The following CABIN1 variants were observed in gnomAD, a reference collection of about 807,000 sequenced individuals.
CABIN1 encodes calcineurin binding protein 1.
In CABIN1, 133 loss-of-function variants were observed where a neutral mutation model predicts 227.7. The observed-to-expected ratio is 0.58, with a 90% confidence interval of 0.51 to 0.67. The LOEUF (loss-of-function observed/expected upper bound fraction) is 0.67, where lower values mean the gene tolerates loss of function less well. Ranked by LOEUF, CABIN1 falls within the 30% of genes least tolerant of loss-of-function variation. CABIN1 has a pLI of 0.00. For missense variants in CABIN1, 2,408 were observed against 2,852.5 expected (o/e 0.84, Z 3.55); for synonymous variants, 1,086 against 1,155.1 (o/e 0.94, Z 1.21).
At chr22:24,168,240 A>T (rs916201743) in intron 32 of CABIN1, among the ~76,000 whole-genome samples, 8 of 152,216 alleles carry the variant, frequency 5.3e-5, no homozygotes, top group Non-Finnish European at 8.8e-5. Context: ...TGCCCCTGCT[A>T]CCCACGAAGA....
At chr22:24,120,205 T>C (rs1031748325) in intron 28 of CABIN1, among the ~76,000 whole-genome samples, 11 of 152,196 alleles carry the variant, frequency 7.2e-5, no homozygotes, top group African/African-American at 2.7e-4. Flanking sequence ...TGGGCTCTTG[T>C]CGCTGGTGCA....
rs903064383 is a variant in CABIN1 at position 24,025,970 on chromosome 22, A to G, written c.-74-9474A>G. Among the ~76,000 whole-genome samples the G allele has an allele frequency of 3.9e-5, 6 of 152,156 alleles. 1 individual carries two copies. The highest frequency in any genetic ancestry group is 2.6e-4 in the Admixed American group (4 of 15,270). On this transcript the variant is annotated intron_variant, in intron 1 of 36. Coordinates refer to ENST00000263119, the MANE Select transcript of CABIN1 (RefSeq NM_012295.4). ...CAACCTCAGCCCCCTAGTAGCTGGAACAACAGGCATGTGCCTCCACGCCCA... is the reference window on the plus strand; with the variant it reads ...CAACCTCAGCCCCCTAGTAGCTGGAGCAACAGGCATGTGCCTCCACGCCCA...
intron 9 of CABIN1, among the ~76,000 whole-genome samples, chr22:24,055,594 A>G (rs1257254439): frequency 1.3e-5 from 2 of 152,120 alleles, no homozygotes; most frequent in African/African-American, 2.4e-5. Context: ...ACCAACCACC[A>G]TATGTTTTAT....
At chr22:24,159,028 G>T (rs577496352) in intron 29 of CABIN1, among the ~76,000 whole-genome samples, 2 of 152,148 alleles carry the variant, frequency 1.3e-5, no homozygotes, top group Non-Finnish European at 2.9e-5. Flanking sequence ...CAGGACCCAG[G>T]GGCCCCTGTC....
rs1299011080 is a variant in CABIN1, at chr22:24,166,826, C to G, written c.5195C>G (p.Pro1732Arg). 7 of 1,613,074 alleles carry G rather than the reference C, an allele frequency of 4.3e-6. No individual in the cohort carries two copies. The highest frequency in any genetic ancestry group is 5.9e-6 in the Non-Finnish European group (7 of 1,179,952). ...AAAGTGGGCCTCCTCAACCACCGGC[C>G]TGTGGCCATGGATGCAGGAGACAGT... ...GGKVGLLNHR[P>R]VAMDAGDSAD... Residue 1732 changes from proline to arginine, a missense_variant, in exon 32 of 37, where the codon CCT becomes CGT. This residue lies in a region of CABIN1 where 714 missense variants were observed against 773.8 expected (regional missense o/e 0.92). Coordinates refer to ENST00000263119, the MANE Select transcript of CABIN1 (RefSeq NM_012295.4).
chr22:24,084,831 C>G (rs542937095), intron 21 of CABIN1, 46 bp downstream of exon 21: 1 of 1,591,410 alleles, frequency 6.3e-7, no homozygotes, highest in Non-Finnish European at 8.6e-7. Flanking sequence ...CTGGGTCACA[C>G]TCTTCCGCTC....
At chr22:24,064,583 A>T (rs2039464302) in intron 15 of CABIN1, among the ~76,000 whole-genome samples, 1 of 136,542 alleles carries the variant, frequency 7.3e-6, no homozygotes, top group Non-Finnish European at 1.5e-5. Context: ...TGGCAGGGTC[A>T]TAGGACAATA....
intron 7 of CABIN1, among the ~76,000 whole-genome samples, chr22:24,049,535 T>G (rs2038160923): frequency 6.6e-6 from 1 of 152,216 alleles, no homozygotes; most frequent in African/African-American, 2.4e-5. Context: ...CCTCCTGCCT[T>G]TCCCCTTCCC....
chr22:24,062,345 G>T (rs1223426553), intron 13 of CABIN1, among the ~76,000 whole-genome samples: 1 of 142,162 alleles, frequency 7.0e-6, no homozygotes, highest in Non-Finnish European at 1.5e-5. Context: ...TGGTGATACG[G>T]ATTTTTTTTT....
chr22:24,019,857 A>G (rs1291882269), intron 1 of CABIN1, among the ~76,000 whole-genome samples: 1 of 151,072 alleles, frequency 6.6e-6, no homozygotes, highest in African/African-American at 2.4e-5. Flanking sequence ...GGGTTTCTCC[A>G]TGTTGGTCAG....
intron 29 of CABIN1, among the ~76,000 whole-genome samples, chr22:24,157,633 A>G (rs1212207671): frequency 2.6e-5 from 4 of 152,102 alleles, no homozygotes; most frequent in African/African-American, 9.7e-5. Flanking sequence ...TTTGCCCTAC[A>G]CGCCCCACGC....
intron 26 of CABIN1, chr22:24,103,375 T>C (rs1057218187): frequency 1.3e-5 from 2 of 152,220 alleles, no homozygotes; most frequent in Non-Finnish European, 2.9e-5. Flanking sequence ...CAAATTATCT[T>C]TACAAGGACA....
chr22:24,056,588 C>T (rs2038816248), intron 10 of CABIN1: 3 of 566,710 alleles, frequency 5.3e-6, no homozygotes, highest in Non-Finnish European at 6.3e-6. Context: ...GTGACTTGTT[C>T]ATCTTTTGAG....
chr22:24,135,100 A>G (rs1377514912), intron 29 of CABIN1, among the ~76,000 whole-genome samples: 1 of 146,360 alleles, frequency 6.8e-6, no homozygotes, highest in African/African-American at 2.5e-5. Context: ...AAACAAAAAA[A>G]CAAATGTGGC....
At chr22:24,100,464 G>C (rs2042138369) in intron 26 of CABIN1, among the ~76,000 whole-genome samples, 1 of 152,270 alleles carries the variant, frequency 6.6e-6, no homozygotes, top group African/African-American at 2.4e-5. Flanking sequence ...TGTGCTGGTG[G>C]CCTCAAGGGG....
intron 3 of CABIN1, among the ~76,000 whole-genome samples, chr22:24,036,780 C>T (rs1360676103): frequency 1.3e-5 from 2 of 152,132 alleles, no homozygotes; most frequent in Non-Finnish European, 2.9e-5. Flanking sequence ...TCCCTTCCAC[C>T]CCGCTGCATT....
intron 1 of CABIN1, among the ~76,000 whole-genome samples, chr22:24,019,117 G>GTTTTTTT (rs1316351102): frequency 1.0e-5 from 1 of 97,950 alleles, no homozygotes; most frequent in African/African-American, 4.0e-5. Context: ...TTCACTGAGT[G>GTTTTTTT]TTGTTTTTTT....
At chr22:24,086,520 C>T (rs1018960097) in intron 22 of CABIN1, among the ~76,000 whole-genome samples, 10 of 152,246 alleles carry the variant, frequency 6.6e-5, no homozygotes, top group African/African-American at 2.4e-4. Flanking sequence ...GGGCTCCAGG[C>T]CTTGGCCACT....
intron 10 of CABIN1, 135 bp downstream of exon 10, chr22:24,056,495 G>C (rs891041617): frequency 7.6e-5 from 67 of 881,722 alleles, no homozygotes; most frequent in Non-Finnish European, 8.8e-5. Context: ...CTGTGCAGAT[G>C]TCTGAAGCAC....
Sources: allele counts gnomAD v4.1 joint callset (sites outside exome capture counted in the v4.1 genomes callset), GRCh38; gene constraint gnomAD v4.1.1; regional missense constraint gnomAD v4.1.1; transcripts MANE v1.5; gene names NCBI Gene and HGNC (gene_info 2026-07-23, HGNC 2026-07-21).